TMEM177: variants seen among roughly 807,000 people sequenced by gnomAD.
The protein encoded by TMEM177 is transmembrane protein 177.
A neutral mutation model predicts 14.2 loss-of-function variants in TMEM177; 4 were observed. That is an observed-to-expected ratio of 0.28 (90% CI 0.14 to 0.64). TMEM177 has a LOEUF of 0.64. TMEM177 is among the 30% of genes least tolerant of loss of function. The pLI, the probability that TMEM177 is intolerant of heterozygous loss-of-function variation, is 0.82. For synonymous variants in TMEM177, 179 were observed against 174.5 expected, an observed-to-expected ratio of 1.03 and a Z score of -0.20; for missense variants, 344 against 405.2, an observed-to-expected ratio of 0.85 and a Z score of 1.30.
the TMEM177 span, among the ~76,000 whole-genome samples, chr2:119,717,941 G>A: frequency 6.6e-6 from 1 of 151,992 alleles, no homozygotes; most frequent in Non-Finnish European, 1.5e-5. Context: ...TTAAAAGGAG[G>A]ATGTGCCTGA....
Position 119,680,784 on chromosome 2 carries a change from G to A in TMEM177, c.-22-48G>A. 3 of 1,475,226 alleles carry A rather than the reference G, an allele frequency of 2.0e-6. No individual in the cohort carries two copies. The South Asian group carries it at 3.9e-5, about 19-fold the overall frequency. 91.4% of individuals were successfully genotyped at this position (1,475,226 alleles called of 1,614,324 possible). ...GTGGACCCTGGAGGATGTTCAGTCT[G>A]CAGGCTGACCCAGGGAAACTGGCTG... On this transcript the variant is annotated intron_variant, in intron 1 of 1. Transcript: ENST00000272521.
chr2:119,705,699 G>T, the TMEM177 span, among the ~76,000 whole-genome samples: 1 of 150,362 alleles, frequency 6.7e-6, no homozygotes, highest in African/African-American at 2.4e-5. Context: ...TCAAGGGAGT[G>T]ACAGTCCATC....
downstream of TMEM177, among the ~76,000 whole-genome samples, chr2:119,691,134 G>A (rs1221207721): frequency 6.6e-6 from 1 of 152,150 alleles, no homozygotes; most frequent in Non-Finnish European, 1.5e-5. Flanking sequence ...GCCCTTGCCG[G>A]GGGGCAAATC....
chr2:119,686,260 A>G (rs1166437956), downstream of TMEM177: 1 of 76,874 alleles, frequency 1.3e-5, no homozygotes, highest in Non-Finnish European at 3.4e-5. Flanking sequence ...GAGGGCATAT[A>G]GTAGGCTTTA....
the TMEM177 span, among the ~76,000 whole-genome samples, chr2:119,720,794 C>T: frequency 6.6e-5 from 10 of 152,182 alleles, no homozygotes; most frequent in Admixed American, 1.3e-4. Flanking sequence ...TTTTCTGTTT[C>T]TTGCAGTTCA....
chr2:119,699,432 C>T, the TMEM177 span, among the ~76,000 whole-genome samples: 7 of 152,180 alleles, frequency 4.6e-5, no homozygotes, highest in Admixed American at 2.6e-4. Context: ...AGACAGGGCT[C>T]TTTGTCCCAC....
the TMEM177 span, among the ~76,000 whole-genome samples, chr2:119,701,037 C>T: frequency 1.3e-5 from 2 of 152,218 alleles, no homozygotes; most frequent in African/African-American, 4.8e-5. Flanking sequence ...GAGCCAAGGA[C>T]AGAGCTGGAG....
the TMEM177 span, chr2:119,699,920 G>C: frequency 9.1e-6 from 4 of 441,782 alleles, no homozygotes; most frequent in Non-Finnish European, 1.8e-5. Context: ...GAACTTAAGG[G>C]TTTAGATGTA....
At chr2:119,702,052 G>C in the TMEM177 span, among the ~76,000 whole-genome samples, 1 of 152,268 alleles carries the variant, frequency 6.6e-6, no homozygotes, top group South Asian at 2.1e-4. Flanking sequence ...TCTTGGAGCC[G>C]GAGGCTGCAT....
At position 119,681,101 on chromosome 2, in the gene TMEM177, TCAC is replaced by T. The variant is rs1688885229; in HGVS notation, c.253_255del (p.Thr85del). On this transcript the variant is annotated inframe_deletion, in exon 2 of 2. Transcript: ENST00000272521. ...CCTTCAGGCCATTGCTACAAGCCCTTCACCACCTTCACCTTCCAACCTGTGAGT... is the reference window on the plus strand; with the variant it reads ...CCTTCAGGCCATTGCTACAAGCCCTTCACCTTCACCTTCCAACCTGTGAGT... 6.2e-7 allele frequency: 1 copy of T among 1,614,242 alleles called. No individual in the cohort carries two copies. The highest frequency in any genetic ancestry group is 1.3e-5 in the African/African-American group (1 of 75,074).
At chr2:119,718,893 T>A in the TMEM177 span, among the ~76,000 whole-genome samples, 62 of 152,294 alleles carry the variant, frequency 4.1e-4, no homozygotes, top group Middle Eastern at 3.4e-3. Flanking sequence ...AGCAGTTTTT[T>A]AAAATTGAAG....
chr2:119,720,942 G>A, the TMEM177 span, among the ~76,000 whole-genome samples: 1 of 152,152 alleles, frequency 6.6e-6, no homozygotes, highest in Admixed American at 6.5e-5. Context: ...TCTCCCTTCT[G>A]TTCTATCAGT....
chr2:119,682,283 G>A (rs1688928651), downstream of TMEM177, among the ~76,000 whole-genome samples: 1 of 152,086 alleles, frequency 6.6e-6, no homozygotes, highest in Admixed American at 6.5e-5. Flanking sequence ...ACCTCGCCCA[G>A]CCTCCTTCTT....
At chr2:119,700,458 A>G in the TMEM177 span, among the ~76,000 whole-genome samples, 2 of 152,356 alleles carry the variant, frequency 1.3e-5, no homozygotes, top group South Asian at 4.1e-4. Flanking sequence ...CCCCATCTCC[A>G]TACGCCAAAC....
chr2:119,700,908 A>G, the TMEM177 span, among the ~76,000 whole-genome samples: 4 of 152,150 alleles, frequency 2.6e-5, no homozygotes, highest in African/African-American at 9.7e-5. Context: ...TGCATTTGCA[A>G]TTCCCTCAGG....
At chr2:119,688,454 C>T (rs1379248211), downstream of TMEM177, among the ~76,000 whole-genome samples, 1 of 152,188 alleles carries the variant, frequency 6.6e-6, no homozygotes, top group Non-Finnish European at 1.5e-5. Context: ...ATGGCACAGC[C>T]TCCTACACAC....
chr2:119,708,376 A>G, the TMEM177 span, among the ~76,000 whole-genome samples: 1 of 152,206 alleles, frequency 6.6e-6, no homozygotes, highest in South Asian at 2.1e-4. Flanking sequence ...TCTGAAAAAT[A>G]AGGACATTTT....
chr2:119,693,968 CACAA>C, the TMEM177 span, among the ~76,000 whole-genome samples: 17 of 136,810 alleles, frequency 1.2e-4, no homozygotes, highest in South Asian at 2.3e-4. Flanking sequence ...ACATACCACA[CACAA>C]ACACATACCA....
At chr2:119,680,693 G>A (rs1024162493) in intron 1 of TMEM177, 139 bp from the exon 2 acceptor site, 1 of 657,504 alleles carries the variant, frequency 1.5e-6, no homozygotes, top group East Asian at 2.7e-5. Flanking sequence ...TTGAACACAG[G>A]CACTCTGGCT....
Sources: gnomAD v4.1 joint callset for allele counts (sites outside exome capture counted in the v4.1 genomes callset) on GRCh38, gnomAD v4.1.1 for gene constraint, MANE v1.5 for transcripts, NCBI Gene and HGNC (gene_info 2026-07-23, HGNC 2026-07-21) for gene names.